The following ASTN2 variants were observed in gnomAD, a reference collection of about 807,000 sequenced individuals.
ASTN2 encodes the protein astrotactin-2.
Under a neutral mutation model 139.8 loss-of-function variants are expected in ASTN2, and 54 were observed. That is an observed-to-expected ratio of 0.39 (90% CI 0.31 to 0.48). The LOEUF (loss-of-function observed/expected upper bound fraction) is 0.48, where lower values mean the gene tolerates loss of function less well. Ranked by LOEUF, ASTN2 falls within the 20% of genes least tolerant of loss-of-function variation. The pLI is 0.95. For synonymous variants in ASTN2, 756 were observed against 719.5 expected (o/e 1.05, Z -0.81); for missense variants, 1,565 against 1,725.1 (o/e 0.91, Z 1.64).
At chr9:116,844,566 G>A (rs116813639) in intron 11 of ASTN2, among the ~76,000 whole-genome samples, 1,734 of 150,728 alleles carry the variant, frequency 0.012, 26 homozygotes, top group African/African-American at 0.04. Flanking sequence ...AGTAAAATGA[G>A]CCTAATTACA....
chr9:117,255,887 G>A (rs187878158), intron 2 of ASTN2, among the ~76,000 whole-genome samples: 97 of 152,260 alleles, frequency 6.4e-4, no homozygotes, highest in African/African-American at 2.3e-3. Context: ...TGTTGGAAAT[G>A]GAGCATCAAC....
intron 3 of ASTN2, among the ~76,000 whole-genome samples, chr9:117,206,905 C>G (rs1831944320): frequency 6.6e-6 from 1 of 152,178 alleles, no homozygotes; most frequent in South Asian, 2.1e-4. Context: ...CCCCCACCCA[C>G]TACAGATATA....
At position 117,039,811 on chromosome 9, in the gene ASTN2, G is replaced by A; in HGVS notation, c.1423+8C>T. On this transcript the variant is annotated splice_region_variant and intron_variant, in intron 6 of 22. Coordinates refer to ENST00000313400, the MANE Select transcript of ASTN2 (RefSeq NM_001365068.1). Reference sequence around the variant, plus strand: ...GGGTGTGGAGCATCTGCAATGCTCGGCTCTTACCATCTGCTATGAAGTGCT... The same window carrying A: ...GGGTGTGGAGCATCTGCAATGCTCGACTCTTACCATCTGCTATGAAGTGCT... 6.2e-7 allele frequency: 1 copy of A among 1,611,968 alleles called. No homozygotes were observed. The highest frequency in any genetic ancestry group is 1.7e-4 in the Middle Eastern group (1 of 5,938).
chr9:117,181,943 T>C (rs1199306168), intron 3 of ASTN2, among the ~76,000 whole-genome samples: 1 of 152,192 alleles, frequency 6.6e-6, no homozygotes, highest in East Asian at 1.9e-4. Context: ...ATGACTTCTC[T>C]GGCCCACTGA....
At chr9:117,127,046 G>A (rs1482104826) in intron 4 of ASTN2, among the ~76,000 whole-genome samples, 7 of 152,186 alleles carry the variant, frequency 4.6e-5, no homozygotes, top group Admixed American at 4.6e-4. Context: ...TCATCCTACG[G>A]CAGGATAATT....
At chr9:117,365,914 C>T (rs1039047928) in intron 1 of ASTN2, among the ~76,000 whole-genome samples, 1 of 152,116 alleles carries the variant, frequency 6.6e-6, no homozygotes, top group Non-Finnish European at 1.5e-5. Flanking sequence ...GAGCTCCTTC[C>T]CAGCTCTTTC....
chr9:117,407,434 G>A (rs1004834074), intron 1 of ASTN2, among the ~76,000 whole-genome samples: 2 of 152,228 alleles, frequency 1.3e-5, no homozygotes, highest in African/African-American at 2.4e-5. Flanking sequence ...TGTAATTGTA[G>A]TAGAGAGAAG....
chr9:116,775,771 G>GGGGAAGGA (rs1439617730), intron 13 of ASTN2, among the ~76,000 whole-genome samples: 13 of 144,132 alleles, frequency 9.0e-5, no homozygotes, highest in African/African-American at 3.1e-4. Context: ...AGGAGGAAAG[G>GGGGAAGGA]GGGAAGGAGG....
At chr9:116,839,142 TTTATTG>T (rs1338194470) in intron 11 of ASTN2, among the ~76,000 whole-genome samples, 5 of 152,038 alleles carry the variant, frequency 3.3e-5, no homozygotes, top group African/African-American at 1.2e-4. Context: ...ATATTTTTTA[TTTATTG>T]TTATTATTTT....
At chr9:116,659,009 A>G (rs1329163998) in intron 16 of ASTN2, among the ~76,000 whole-genome samples, 1 of 152,090 alleles carries the variant, frequency 6.6e-6, no homozygotes, top group Non-Finnish European at 1.5e-5. Flanking sequence ...TAAGATTTTC[A>G]TCTAGAGGTA....
chr9:116,522,285 G>A (rs1193527759), intron 19 of ASTN2, among the ~76,000 whole-genome samples: 1 of 152,078 alleles, frequency 6.6e-6, no homozygotes, highest in East Asian at 1.9e-4. Flanking sequence ...CAATCAATAA[G>A]TGGATAAAGA....
chr9:116,674,974 C>T (rs1859416083), intron 16 of ASTN2, among the ~76,000 whole-genome samples: 1 of 152,156 alleles, frequency 6.6e-6, no homozygotes, highest in African/African-American at 2.4e-5. Context: ...TTCTCCATTG[C>T]AATTCCCGTC....
Position 116,862,241 on chromosome 9 carries a change from C to T in ASTN2, c.2040+1342G>A, listed in dbSNP as rs572293362. Among the ~76,000 whole-genome samples, 16 of 152,264 alleles carry T rather than the reference C, an allele frequency of 1.1e-4. No homozygotes were observed. In the South Asian group the frequency reaches 2.9e-3, roughly 28 times the overall value. On this transcript the variant is annotated intron_variant, in intron 11 of 22. Coordinates refer to ENST00000313400, the MANE Select transcript of ASTN2 (RefSeq NM_001365068.1). ...CTCCCTTGGGTCTTGTTCAGAGAGCCTAGTCCAGAGCAGGATTCCTATCCC... is the reference window on the plus strand; with the variant it reads ...CTCCCTTGGGTCTTGTTCAGAGAGCTTAGTCCAGAGCAGGATTCCTATCCC...
chr9:117,262,218 C>T (rs570171404), intron 2 of ASTN2, among the ~76,000 whole-genome samples: 5 of 151,888 alleles, frequency 3.3e-5, no homozygotes, highest in Admixed American at 2.0e-4. Context: ...AAGGAGGAGG[C>T]CACACCATTA....
chr9:117,289,594 T>C (rs979576464), intron 2 of ASTN2, among the ~76,000 whole-genome samples: 1 of 152,184 alleles, frequency 6.6e-6, no homozygotes, highest in Non-Finnish European at 1.5e-5. Flanking sequence ...TTAATGAACA[T>C]TGGTCAAAAT....
At chr9:117,004,437 G>T (rs899857121) in intron 7 of ASTN2, among the ~76,000 whole-genome samples, 7 of 152,042 alleles carry the variant, frequency 4.6e-5, no homozygotes, top group Non-Finnish European at 8.8e-5. Context: ...CTATATAGAG[G>T]CTACAAAAAA....
intron 1 of ASTN2, among the ~76,000 whole-genome samples, chr9:117,396,134 C>T (rs1377503078): frequency 6.6e-6 from 1 of 152,192 alleles, no homozygotes. Flanking sequence ...TCAGGAGTTC[C>T]TGGCTCATCT....
Position 117,016,626 on chromosome 9 carries a change from A to ATC in ASTN2, c.1424-8368_1424-8367insGA, listed in dbSNP as rs1480184259. Among the ~76,000 whole-genome samples the ATC allele has an allele frequency of 8.6e-3, 167 of 19,466 alleles. 17 individuals carry two copies. Among genetic ancestry groups the ATC allele is most frequent in the African/African-American group, 0.021 (152 of 7,188 alleles). The allele number at this position is 19,466 out of a possible 152,430, so 12.8% of individuals were successfully genotyped here. ...TATCTATATCTATATCTATCTATCT[A>ATC]TATATATATATATATATATATATAT... On this transcript the variant is annotated intron_variant, in intron 6 of 22. Transcript: ENST00000313400.
chr9:116,836,181 T>C (rs1017483728), intron 11 of ASTN2, among the ~76,000 whole-genome samples: 1 of 151,944 alleles, frequency 6.6e-6, no homozygotes, highest in African/African-American at 2.4e-5. Flanking sequence ...TAGTCACTGT[T>C]CCCCCCTTAA....
Sources: allele counts gnomAD v4.1 joint callset (sites outside exome capture counted in the v4.1 genomes callset), GRCh38; gene constraint gnomAD v4.1.1; transcripts MANE v1.5; gene names NCBI Gene and HGNC (gene_info 2026-07-23, HGNC 2026-07-21).